Variants in CPNE2 observed in about 807,000 individuals in gnomAD.
CPNE2 encodes the protein copine 2, also known as copine-2.
Under a neutral mutation model 69.7 loss-of-function variants are expected in CPNE2, and 42 were observed. The observed-to-expected ratio is 0.60, with a 90% CI of 0.47 to 0.78. CPNE2 has a LOEUF of 0.78. Among genes scored for constraint, CPNE2 ranks in the 30% least tolerant of loss-of-function variants. The pLI, the probability that CPNE2 is intolerant of heterozygous loss-of-function variation, is 0.00. For missense variants in CPNE2, 587 were observed against 732.0 expected (o/e 0.80, Z 2.29); for synonymous variants, 294 against 289.8 (o/e 1.01, Z -0.15).
intron 1 of CPNE2, among the ~76,000 whole-genome samples, chr16:57,099,583 G>T (rs2069599739): frequency 6.6e-6 from 1 of 150,704 alleles, no homozygotes; most frequent in Non-Finnish European, 1.5e-5. Flanking sequence ...TGGCCGTCCT[G>T]GGGGTGGGGG....
rs141954860 is a variant in CPNE2, at chr16:57,110,777, C to T, written c.35C>T (p.Ala12Val). ...AHIPSGGAPA[A>V]GAAPMGPQYC... is the part of the protein sequence containing the mutation. Reference sequence around the variant, plus strand: ...ATACCCAGTGGGGGTGCCCCAGCAGCGGGGGCAGCCCCCATGGGCCCCCAG... The same window carrying T: ...ATACCCAGTGGGGGTGCCCCAGCAGTGGGGGCAGCCCCCATGGGCCCCCAG... The change falls in exon 2 of 16, where the codon GCG (alanine) becomes GTG (valine). Residue 12 changes from alanine (A) to valine (V), a missense_variant. By Grantham distance (64) the Ala-to-Val change is moderately conservative. Around this residue, in one of 5 missense-constraint regions of CPNE2, gnomAD observed 96 missense variants for 94.9 expected, o/e 1.01. Coordinates refer to ENST00000290776, the MANE Select transcript of CPNE2 (RefSeq NM_152727.6). The T allele has an allele frequency of 1.8e-4, 292 of 1,612,824 alleles. No homozygotes were observed. Among genetic ancestry groups the T allele is most frequent in the East Asian group, 6.3e-4 (28 of 44,780 alleles).
intron 1 of CPNE2, among the ~76,000 whole-genome samples, chr16:57,108,113 A>G (rs2069659167): frequency 1.3e-5 from 2 of 151,952 alleles, no homozygotes; most frequent in African/African-American, 4.8e-5. Flanking sequence ...CAAGTGATCC[A>G]CCTGCCTGGG....
intron 14 of CPNE2, chr16:57,144,266 A>C (rs1228016402): frequency 6.6e-6 from 1 of 152,308 alleles, no homozygotes; most frequent in East Asian, 1.9e-4. Flanking sequence ...GAGCTAGACC[A>C]CTGCTGCCTG....
At chr16:57,115,641 C>A in intron 4 of CPNE2, 91 bp downstream of exon 4, 1 of 925,672 alleles carries the variant, frequency 1.1e-6, no homozygotes, top group Non-Finnish European at 1.6e-6. Context: ...AGATAATCAC[C>A]AGCTTTGTTT....
chr16:57,116,033 C>A (rs535105676), intron 4 of CPNE2, among the ~76,000 whole-genome samples: 4 of 152,212 alleles, frequency 2.6e-5, no homozygotes, highest in African/African-American at 7.2e-5. Flanking sequence ...GCGAGATCGT[C>A]CCCTGGTTGT....
Position 57,115,459 on chromosome 16 carries a change from T to C in CPNE2, c.361-17T>C, listed in dbSNP as rs755637015. Reference sequence around the variant, plus strand: ...CCCCGCTTCCTCACTGAGCGCCCTTTCTCCTCTCTCCCCTAGATCGTCTCC... The same window carrying C: ...CCCCGCTTCCTCACTGAGCGCCCTTCCTCCTCTCTCCCCTAGATCGTCTCC... On this transcript the variant is annotated splice_polypyrimidine_tract_variant and intron_variant, in intron 3 of 15. Transcript: ENST00000290776. 5 of 1,601,454 alleles carry C rather than the reference T, an allele frequency of 3.1e-6. No individual in the cohort carries two copies. Among genetic ancestry groups the C allele is most frequent in the Non-Finnish European group, 4.3e-6 (5 of 1,172,710 alleles).
Position 57,147,794 on chromosome 16 carries a change from C to A in CPNE2, c.*136C>A. 3.9e-6 allele frequency: 2 copies of A among 513,164 alleles called. No homozygotes were observed. Among genetic ancestry groups the A allele is most frequent in the Non-Finnish European group, 3.3e-6 (1 of 305,418 alleles). 31.8% of individuals were successfully genotyped at this position (513,164 alleles called of 1,614,324 possible). On this transcript the variant is annotated 3_prime_UTR_variant, in exon 16 of 16. Coordinates refer to ENST00000290776, the MANE Select transcript of CPNE2 (RefSeq NM_152727.6). ...TATTTTTTACAACCGGACCTCCACC[C>A]CCAACTTCCTCCAGCCCAGCTGGGC...
At chr16:57,128,768 G>A (rs1335553237) in intron 12 of CPNE2, among the ~76,000 whole-genome samples, 2 of 152,204 alleles carry the variant, frequency 1.3e-5, no homozygotes, top group Admixed American at 6.5e-5. Context: ...CTCTCGCTGT[G>A]TGGAGTCCTC....
intron 3 of CPNE2, 33 bp downstream of exon 3, chr16:57,113,500 C>T: frequency 1.9e-6 from 3 of 1,598,162 alleles, no homozygotes; most frequent in Non-Finnish European, 2.6e-6. Context: ...GGAGCAGGGG[C>T]CCAAAGACCG....
At chr16:57,135,380 T>G (rs1341920650) in intron 13 of CPNE2, among the ~76,000 whole-genome samples, 1 of 152,044 alleles carries the variant, frequency 6.6e-6, no homozygotes, top group Non-Finnish European at 1.5e-5. Flanking sequence ...GTTAAGAAAC[T>G]ATTAGAGGCC....
chr16:57,128,380 C>T (rs1372501507), intron 12 of CPNE2, among the ~76,000 whole-genome samples: 1 of 152,110 alleles, frequency 6.6e-6, no homozygotes, highest in African/African-American at 2.4e-5. Context: ...CAGGTGCCCA[C>T]CACCACCCCG....
Position 57,146,167 on chromosome 16 carries a change from A to G in CPNE2, c.1385A>G (p.Lys462Arg), listed in dbSNP as rs1176335723. ...CGGCATGCCGTGGTGCAGGCTTCCA[A>G]GCTGCCCATGTCCATCATCATCGTG... ...ETRHAVVQAS[K>R]LPMSIIIVGV... Residue 462 changes from lysine to arginine, a missense_variant, in exon 15 of 16, where the codon AAG becomes AGG. Lys to Arg is a conservative substitution (Grantham distance 26, BLOSUM62 2). Transcript: ENST00000290776. This position sits in a 1 kb window ranked among gnomAD's most constrained non-coding sequence, Gnocchi z 4.4. The G allele has an allele frequency of 1.3e-6, 2 of 1,584,390 alleles. No individual in the cohort carries two copies. Among genetic ancestry groups the G allele is most frequent in the Admixed American group, 3.6e-5 (2 of 55,646 alleles).
chr16:57,109,496 G>A (rs371515561), intron 1 of CPNE2, among the ~76,000 whole-genome samples: 3 of 150,610 alleles, frequency 2.0e-5, no homozygotes, highest in East Asian at 3.9e-4. Context: ...AAAAAAGAAA[G>A]TAAAGGAATA....
Position 57,135,113 on chromosome 16 carries a change from C to G in CPNE2, c.1168+287C>G, listed in dbSNP as rs530241565. ...GGATAACTATGACAGCTGCTCTTCT[C>G]ACTTTACTGGGTGGTTCAGTGAGAA... On this transcript the variant is annotated intron_variant, in intron 13 of 15. Coordinates refer to ENST00000290776, the MANE Select transcript of CPNE2 (RefSeq NM_152727.6). Among the ~76,000 whole-genome samples the G allele has an allele frequency of 2.6e-5, 4 of 152,302 alleles. No individual in the cohort carries two copies. In the South Asian group the frequency reaches 8.3e-4, roughly 32 times the overall value.
intron 15 of CPNE2, 71 bp from the exon 16 acceptor site, chr16:57,147,480 T>A: frequency 8.6e-7 from 1 of 1,156,706 alleles, no homozygotes. Context: ...CTGGGCATAG[T>A]GCCGCTCACA....
At chr16:57,098,349 A>C (rs1447681597) in intron 1 of CPNE2, among the ~76,000 whole-genome samples, 1 of 152,166 alleles carries the variant, frequency 6.6e-6, no homozygotes, top group Non-Finnish European at 1.5e-5. Context: ...CTCGGTGCAG[A>C]AATGATTTGT....
intron 1 of CPNE2, among the ~76,000 whole-genome samples, chr16:57,101,456 A>G (rs2069613183): frequency 6.6e-6 from 1 of 152,188 alleles, no homozygotes; most frequent in Admixed American, 6.5e-5. Context: ...GTGTCTTGTT[A>G]GCTGAGGGTT....
At chr16:57,098,381 G>C (rs1241393062) in intron 1 of CPNE2, among the ~76,000 whole-genome samples, 1 of 152,230 alleles carries the variant, frequency 6.6e-6, no homozygotes. Context: ...GCCCCCACCT[G>C]GTCAGGAGTG....
rs2069887915 is a variant in CPNE2 at position 57,137,170 on chromosome 16, C to T, written c.1190C>T (p.Ala397Val). The T allele has an allele frequency of 3.1e-6, 5 of 1,614,184 alleles. No homozygotes were observed. The highest frequency in any genetic ancestry group is 2.5e-6 in the Non-Finnish European group (3 of 1,180,018). The change falls in exon 14 of 16, where the codon GCG (alanine) becomes GTG (valine). Residue 397 changes from alanine to valine, a missense_variant. Ala to Val is a moderately conservative substitution (Grantham distance 64). Around this residue, in one of 5 missense-constraint regions of CPNE2, gnomAD observed 185 missense variants for 252.3 expected, o/e 0.73. Coordinates refer to ENST00000290776, the MANE Select transcript of CPNE2 (RefSeq NM_152727.6). The part of the protein sequence containing the change: ...FCSGVDGIAQ[A>V]YSACLPHIRF... ...GCAGGTGTGGATGGTATTGCCCAGG[C>T]GTACTCAGCTTGCCTGCCCCACATC... is the stretch of plus-strand genomic sequence containing the variant.
Sources: gnomAD v4.1 joint callset for allele counts (sites outside exome capture counted in the v4.1 genomes callset) on GRCh38, gnomAD v4.1.1 for gene constraint, gnomAD v4.1.1 regional missense constraint, Gnocchi (gnomAD v3.1) non-coding constraint, MANE v1.5 for transcripts, NCBI Gene and HGNC (gene_info 2026-07-23, HGNC 2026-07-21) for gene names.